DGKH: variants seen among roughly 807,000 people sequenced by gnomAD.
DGKH encodes diacylglycerol kinase eta, also known as DAG kinase eta.
Under a neutral mutation model 159.3 loss-of-function variants are expected in DGKH, and 90 were observed. The observed-to-expected ratio is 0.57, with a 90% CI of 0.48 to 0.67. The LOEUF (loss-of-function observed/expected upper bound fraction) is 0.67, where lower values mean the gene tolerates loss of function less well. Ranked by LOEUF, DGKH falls within the 30% of genes least tolerant of loss-of-function variation. The probability of loss-of-function intolerance (pLI) is 0.00; values close to 1 mark genes in which losing one functional copy is unlikely to be tolerated. For synonymous variants in DGKH, 536 were observed against 553.8 expected (o/e 0.97, Z 0.45); for missense variants, 1,181 against 1,506.1 (o/e 0.78, Z 3.57).
At chr13:42,176,134 T>G (rs996733507) in intron 12 of DGKH, among the ~76,000 whole-genome samples, 1 of 152,222 alleles carries the variant, frequency 6.6e-6, no homozygotes, top group African/African-American at 2.4e-5. Flanking sequence ...GAAATTGTAT[T>G]TTTTGATCTT....
chr13:42,149,603 C>T (rs1234025627), intron 3 of DGKH, among the ~76,000 whole-genome samples: 1 of 152,214 alleles, frequency 6.6e-6, no homozygotes, highest in African/African-American at 2.4e-5. Flanking sequence ...TAAACTATCA[C>T]AATAGGTGAC....
Position 42,155,404 on chromosome 13 carries a change from G to A in DGKH, c.489+9G>A. The A allele has an allele frequency of 6.2e-7, 1 of 1,604,624 alleles. No homozygotes were observed. Among genetic ancestry groups the A allele is most frequent in the Non-Finnish European group, 8.5e-7 (1 of 1,174,670 alleles). On this transcript the variant is annotated intron_variant, in intron 4 of 29. Transcript: ENST00000337343. ...CCAGAGAACCCTACGAGGTAAAATA[G>A]CATCTTTTCTTTCATCTCGTGTTCT... is the stretch of plus-strand genomic sequence containing the variant.
At position 42,199,803 on chromosome 13, in the gene DGKH, T is replaced by G. The variant is rs1425296746; in HGVS notation, c.2397-10T>G. The G allele has an allele frequency of 6.3e-7, 1 of 1,594,908 alleles. No homozygotes were observed. Among genetic ancestry groups the G allele is most frequent in the South Asian group, 1.2e-5 (1 of 85,742 alleles). On this transcript the variant is annotated splice_polypyrimidine_tract_variant and intron_variant, in intron 19 of 29. Coordinates refer to ENST00000337343, the MANE Select transcript of DGKH (RefSeq NM_178009.5). ...ATTTCCTGAAATTGCCTGCCAATAT[T>G]TATTTTCAGGAGCCGAACTAAAAAC...
At chr13:42,116,896 G>T (rs1380080899) in intron 1 of DGKH, among the ~76,000 whole-genome samples, 2 of 152,186 alleles carry the variant, frequency 1.3e-5, no homozygotes, top group Non-Finnish European at 2.9e-5. Context: ...TATTCAACTT[G>T]TAATGCTTTT....
upstream of DGKH, among the ~76,000 whole-genome samples, chr13:42,048,253 G>C (rs951132254): frequency 6.6e-6 from 1 of 151,338 alleles, no homozygotes; most frequent in African/African-American, 2.4e-5. This position sits in a 1 kb window ranked among gnomAD's most constrained non-coding sequence, Gnocchi z 6.7. Flanking sequence ...GGTGGCGGGT[G>C]CACCCAAGGG....
chr13:42,089,479 C>A lies in DGKH; in HGVS notation c.193-37984C>A, dbSNP rs2875473. Among the ~76,000 whole-genome samples the A allele has an allele frequency of 8.1e-3, 1,226 of 152,190 alleles. 64 individuals carry two copies. The highest frequency in any genetic ancestry group is 0.074 in the Admixed American group (1,133 of 15,282). On this transcript the variant is annotated intron_variant, in intron 1 of 29. Transcript: ENST00000337343. ...TGGAGGTCTGAAGTCCAGAATGGGT[C>A]TCAGCTAAAATCAAGGTATTAGCAA... is the stretch of plus-strand genomic sequence containing the variant.
At chr13:42,107,111 T>TA (rs1290961226) in intron 1 of DGKH, among the ~76,000 whole-genome samples, 1 of 152,248 alleles carries the variant, frequency 6.6e-6, no homozygotes, top group Non-Finnish European at 1.5e-5. Flanking sequence ...AATTTACAAA[T>TA]ATGGCTCTGT....
At chr13:42,226,317 G>A (rs1958131300) in intron 29 of DGKH, among the ~76,000 whole-genome samples, 1 of 152,170 alleles carries the variant, frequency 6.6e-6, no homozygotes, top group Non-Finnish European at 1.5e-5. Context: ...TGAGGCTGTG[G>A]AGAAATAGGA....
At chr13:42,069,325 G>T in intron 1 of DGKH, 1 of 1,221,040 alleles carries the variant, frequency 8.2e-7, no homozygotes, top group South Asian at 1.4e-5. Flanking sequence ...CAAGAAGATG[G>T]GTACAAAGTT....
intron 1 of DGKH, among the ~76,000 whole-genome samples, chr13:42,102,554 C>T (rs1239961606): frequency 6.6e-6 from 1 of 152,236 alleles, no homozygotes; most frequent in Non-Finnish European, 1.5e-5. Flanking sequence ...GCAGGAAAAC[C>T]TCTGCAGAAT....
At chr13:42,056,219 C>T (rs529737150) in intron 1 of DGKH, among the ~76,000 whole-genome samples, 2 of 151,878 alleles carry the variant, frequency 1.3e-5, no homozygotes, top group East Asian at 3.9e-4. Context: ...TTATATAGTT[C>T]CTTATTTTTT....
chr13:42,060,359 C>A (rs557119125), intron 1 of DGKH, among the ~76,000 whole-genome samples: 1 of 152,176 alleles, frequency 6.6e-6, no homozygotes, highest in African/African-American at 2.4e-5. Context: ...GCTTTGACCA[C>A]CACCTCTATC....
At chr13:42,205,138 A>AG (rs1368444492) in intron 20 of DGKH, among the ~76,000 whole-genome samples, 2 of 152,188 alleles carry the variant, frequency 1.3e-5, no homozygotes, top group Non-Finnish European at 2.9e-5. Flanking sequence ...TTTAAAATGA[A>AG]GGCTTAAACA....
intron 19 of DGKH, 27 bp from the exon 20 acceptor site, chr13:42,199,786 A>T (rs1957302027): frequency 6.3e-7 from 1 of 1,587,766 alleles, no homozygotes; most frequent in Non-Finnish European, 8.5e-7. Context: ...AAATTTCCTG[A>T]AATTGCCTGC....
intron 19 of DGKH, 24 bp downstream of exon 19, chr13:42,199,700 G>C (rs1300670312): frequency 6.4e-7 from 1 of 1,563,864 alleles, no homozygotes; most frequent in Non-Finnish European, 8.7e-7. Context: ...AAGTAATAAT[G>C]CTATTACATA....
intron 14 of DGKH, among the ~76,000 whole-genome samples, chr13:42,188,556 CT>C (rs1245853046): frequency 6.6e-6 from 1 of 152,086 alleles, no homozygotes; most frequent in Admixed American, 6.6e-5. Flanking sequence ...AAGTCAATTA[CT>C]TTTTTTAAAA....
chr13:42,212,734 A>G (rs1051222764), intron 24 of DGKH, among the ~76,000 whole-genome samples: 2 of 152,172 alleles, frequency 1.3e-5, no homozygotes, highest in East Asian at 1.9e-4. Flanking sequence ...GGGATACAAG[A>G]TGATTATTTG....
At chr13:42,249,594 A>G (rs1034354048) in intron 29 of DGKH, among the ~76,000 whole-genome samples, 2 of 152,228 alleles carry the variant, frequency 1.3e-5, no homozygotes, top group Non-Finnish European at 2.9e-5. Context: ...TACTCTGCCA[A>G]TGTGGCAGGA....
In DGKH at chr13:42,207,150, C is replaced by T. The variant is rs867434874; in HGVS notation, c.2601+1004C>T. The stretch of plus-strand genomic sequence containing the variant: ...CCTTCCTTCCTTCCTTCCTTCCTTC[C>T]TTCCTTCCTTCCTTCCTTCCTTCCT... On this transcript the variant is annotated intron_variant, in intron 21 of 29. Coordinates refer to ENST00000337343, the MANE Select transcript of DGKH (RefSeq NM_178009.5). 8.3e-3 allele frequency among the ~76,000 whole-genome samples: 515 copies of T among 62,186 alleles called. 54 individuals are homozygous for T. Among genetic ancestry groups the T allele is most frequent in the African/African-American group, 0.016 (243 of 14,820 alleles). The allele number at this position is 62,186 out of a possible 152,430, so 40.8% of individuals were successfully genotyped here.
Sources: gnomAD v4.1 joint callset for allele counts (sites outside exome capture counted in the v4.1 genomes callset) on GRCh38, gnomAD v4.1.1 for gene constraint, Gnocchi (gnomAD v3.1) non-coding constraint, MANE v1.5 for transcripts, NCBI Gene and HGNC (gene_info 2026-07-23, HGNC 2026-07-21) for gene names.